ZCCHC24: variants seen among roughly 807,000 people sequenced by gnomAD.
The protein encoded by ZCCHC24 is zinc finger CCHC domain-containing protein 24.
In ZCCHC24, 10 loss-of-function variants were observed where a neutral mutation model predicts 26.2. That is an observed-to-expected ratio of 0.38 (90% CI 0.24 to 0.65). The LOEUF (loss-of-function observed/expected upper bound fraction) is 0.65, where lower values mean the gene tolerates loss of function less well. Ranked by LOEUF, ZCCHC24 falls within the 30% of genes least tolerant of loss-of-function variation. ZCCHC24 has a pLI of 0.54. For missense variants in ZCCHC24, 243 were observed against 329.1 expected, an observed-to-expected ratio of 0.74 and a Z score of 2.03; for synonymous variants, 144 against 147.1, an observed-to-expected ratio of 0.98 and a Z score of 0.15.
Position 79,433,210 on chromosome 10 carries a change from C to T in ZCCHC24, c.247-452G>A, listed in dbSNP as rs538502355. 2.0e-5 allele frequency among the ~76,000 whole-genome samples: 3 copies of T among 152,300 alleles called. No individual in the cohort carries two copies. In the South Asian group the frequency reaches 6.2e-4, roughly 32 times the overall value. ...ACTGGTGGGGTGACTTTAGGAAAGT[C>T]ACTGCTGACTCAGTTTCCCCACCTT... is the stretch of plus-strand genomic sequence containing the variant. On this transcript the variant is annotated intron_variant, in intron 1 of 3. Transcript: ENST00000372336.
At chr10:79,429,725 A>T (rs1857100981) in intron 2 of ZCCHC24, among the ~76,000 whole-genome samples, 1 of 152,250 alleles carries the variant, frequency 6.6e-6, no homozygotes, top group Non-Finnish European at 1.5e-5. Flanking sequence ...TGGGAATTAT[A>T]TGGGAAGTGA....
chr10:79,432,821 A>G (rs7898643), intron 1 of ZCCHC24, 63 bp from the exon 2 acceptor site: 501,407 of 1,527,502 alleles, frequency 0.33, 84,154 homozygotes, highest in African/African-American at 0.48. Flanking sequence ...ATAACCCCCC[A>G]CCCAAACACA....
chr10:79,396,104 C>A (rs1040847168), intron 2 of ZCCHC24, among the ~76,000 whole-genome samples: 1 of 152,186 alleles, frequency 6.6e-6, no homozygotes, highest in African/African-American at 2.4e-5. Context: ...TAGAAACATA[C>A]AACATTTGTC....
chr10:79,402,299 G>A (rs899914235), intron 2 of ZCCHC24, among the ~76,000 whole-genome samples: 3 of 151,436 alleles, frequency 2.0e-5, no homozygotes, highest in Admixed American at 1.3e-4. Flanking sequence ...TTTTTGAGAC[G>A]GAGTCTCGCT....
chr10:79,444,203 G>A lies in ZCCHC24; in HGVS notation c.246+992C>T, dbSNP rs1297896606. The A allele has an allele frequency of 4.6e-6, 7 of 1,518,940 alleles. No homozygotes were observed. In the East Asian group the frequency reaches 1.5e-4, roughly 33 times the overall value. The allele number at this position is 1,518,940 out of a possible 1,614,324, so 94.1% of individuals were successfully genotyped here. A position where few individuals can be genotyped will look rare whatever the true frequency, so the allele number is the denominator to read the frequency against. ...GAAAACCCCCACAAGGGGAGGAAGT[G>A]AAGGCCACAGATGGGTGTCTGAAAT... On this transcript the variant is annotated intron_variant, in intron 1 of 3. Coordinates refer to ENST00000372336, the MANE Select transcript of ZCCHC24 (RefSeq NM_153367.4).
At chr10:79,402,842 G>A (rs892039861) in intron 2 of ZCCHC24, among the ~76,000 whole-genome samples, 1 of 152,218 alleles carries the variant, frequency 6.6e-6, no homozygotes. Flanking sequence ...TGAGACGGTT[G>A]AGAGAAAATT....
At chr10:79,444,189 C>T (rs1398658835) in intron 1 of ZCCHC24, 1 of 1,528,408 alleles carries the variant, frequency 6.5e-7, no homozygotes, top group South Asian at 1.2e-5. Context: ...AAAACCCCCA[C>T]AAGGGGAGGA....
intron 2 of ZCCHC24, among the ~76,000 whole-genome samples, chr10:79,430,686 C>CACCACACACACACACACACACACACACA (rs370025190): frequency 1.4e-5 from 2 of 140,702 alleles, no homozygotes; most frequent in Middle Eastern, 3.6e-3. Context: ...CACACACACA[C>CACCACACACACACACACACACACACACA]CACACACACA....
At chr10:79,422,981 T>C (rs1856968250) in intron 2 of ZCCHC24, among the ~76,000 whole-genome samples, 1 of 152,160 alleles carries the variant, frequency 6.6e-6, no homozygotes, top group African/African-American at 2.4e-5. Flanking sequence ...AAAAGTTGCC[T>C]TTGGGTTAAA....
chr10:79,424,335 A>G (rs569145586), intron 2 of ZCCHC24, among the ~76,000 whole-genome samples: 48 of 152,358 alleles, frequency 3.2e-4, no homozygotes, highest in Non-Finnish European at 6.8e-4. Flanking sequence ...AAATAACTGC[A>G]GAGTGGAAGG....
chr10:79,427,827 T>G (rs1857054581), intron 2 of ZCCHC24, among the ~76,000 whole-genome samples: 2 of 152,018 alleles, frequency 1.3e-5, no homozygotes, highest in Admixed American at 1.3e-4. Context: ...TGCAATGAGT[T>G]ATGATCACAG....
In ZCCHC24 at chr10:79,445,448, C is replaced by A; in HGVS notation, c.-8G>T. 1 of 1,437,564 alleles carries A rather than the reference C, an allele frequency of 7.0e-7. No homozygotes were observed. The highest frequency in any genetic ancestry group is 9.2e-7 in the Non-Finnish European group (1 of 1,087,556). The allele number at this position is 1,437,564 out of a possible 1,614,324, so 89.1% of individuals were successfully genotyped here. A position where few individuals can be genotyped will look rare whatever the true frequency, so the allele number is the denominator to read the frequency against. On this transcript the variant is annotated 5_prime_UTR_variant, in exon 1 of 4. Transcript: ENST00000372336. ...GGCCGACAGCAGGCTCATTTTGTGG[C>A]GGCGGTGCCGGCCCCTCCCCGGCCG...
chr10:79,393,169 G>A (rs185680387), intron 3 of ZCCHC24, among the ~76,000 whole-genome samples: 9 of 152,294 alleles, frequency 5.9e-5, no homozygotes, highest in Admixed American at 5.2e-4. Context: ...TCCCTACTAC[G>A]TTTAGGTTGA....
intron 2 of ZCCHC24, among the ~76,000 whole-genome samples, chr10:79,404,075 A>G (rs985118056): frequency 6.6e-6 from 1 of 152,242 alleles, no homozygotes; most frequent in East Asian, 1.9e-4. Context: ...GAGGCGAGAC[A>G]TGATGCAGAA....
chr10:79,426,942 C>T (rs992185979), intron 2 of ZCCHC24, among the ~76,000 whole-genome samples: 1 of 151,912 alleles, frequency 6.6e-6, no homozygotes, highest in African/African-American at 2.4e-5. Context: ...ATGCTATCTA[C>T]AGGAGATGCA....
chr10:79,424,477 A>G (rs569626360), intron 2 of ZCCHC24, among the ~76,000 whole-genome samples: 3 of 152,276 alleles, frequency 2.0e-5, no homozygotes, highest in African/African-American at 7.2e-5. Flanking sequence ...ACCACGGCCC[A>G]TAGATGGTAC....
chr10:79,413,539 G>A (rs373834751), intron 2 of ZCCHC24, among the ~76,000 whole-genome samples: 11 of 152,186 alleles, frequency 7.2e-5, no homozygotes, highest in East Asian at 1.9e-4. Context: ...CTGAGTCACC[G>A]GGCTGGTCCC....
chr10:79,386,058 C>T lies in ZCCHC24; in HGVS notation c.*287G>A. ...CGAGCCTGTGGGGACACCCAGGGCTCCTGGACATGGGCTTTTGCTTGCCTT... is the reference window on the plus strand; with the variant it reads ...CGAGCCTGTGGGGACACCCAGGGCTTCTGGACATGGGCTTTTGCTTGCCTT... On this transcript the variant is annotated 3_prime_UTR_variant, in exon 4 of 4. Transcript: ENST00000372336. 1.8e-6 allele frequency: 1 copy of T among 544,584 alleles called. No individual in the cohort carries two copies. The highest frequency in any genetic ancestry group is 2.8e-5 in the South Asian group (1 of 35,678). 33.7% of individuals were successfully genotyped at this position (544,584 alleles called of 1,614,324 possible). A position where few individuals can be genotyped will look rare whatever the true frequency, so the allele number is the denominator to read the frequency against.
At chr10:79,428,808 C>T (rs1459404836) in intron 2 of ZCCHC24, among the ~76,000 whole-genome samples, 1 of 151,876 alleles carries the variant, frequency 6.6e-6, no homozygotes, top group Admixed American at 6.6e-5. Flanking sequence ...TATTAACGAC[C>T]TTACAGAAAT....
Sources: allele counts gnomAD v4.1 joint callset (sites outside exome capture counted in the v4.1 genomes callset), GRCh38; gene constraint gnomAD v4.1.1; transcripts MANE v1.5; gene names NCBI Gene and HGNC (gene_info 2026-07-23, HGNC 2026-07-21).